Variants in PDZD2 observed in about 807,000 individuals in gnomAD.
The protein encoded by PDZD2 is PDZ domain containing 2, also known as PDZ domain-containing protein 2.
In PDZD2, 90 loss-of-function variants were observed where a neutral mutation model predicts 220.7. The ratio of observed to expected loss-of-function variants is 0.41; its 90% confidence interval spans 0.34 to 0.49. The LOEUF (loss-of-function observed/expected upper bound fraction) is 0.49, where lower values mean the gene tolerates loss of function less well. PDZD2 is among the 20% of genes least tolerant of loss of function. The probability of loss-of-function intolerance (pLI) is 0.28; values close to 1 mark genes in which losing one functional copy is unlikely to be tolerated. For synonymous variants in PDZD2, 1,375 were observed against 1,450.5 expected (o/e 0.95, Z 1.18); for missense variants, 3,174 against 3,608.5 (o/e 0.88, Z 3.08).
chr5:32,097,912 C>T (rs1208992296), intron 22 of PDZD2, among the ~76,000 whole-genome samples: 4 of 152,164 alleles, frequency 2.6e-5, no homozygotes, highest in Non-Finnish European at 4.4e-5. Context: ...ATCCCCCGCA[C>T]TGAATGTATG....
chr5:32,098,398 A>G lies in PDZD2; in HGVS notation c.7982A>G (p.Gln2661Arg). The G allele has an allele frequency of 6.2e-7, 1 of 1,614,118 alleles. No individual in the cohort carries two copies. Among genetic ancestry groups the G allele is most frequent in the Non-Finnish European group, 8.5e-7 (1 of 1,180,022 alleles). ...GTGTTTTCTCAGGGGGCGGCTTCTC[A>G]GGAAGGGACTATGAACCGAGGGGAT... ...HRVFSQGAASQEGTMNRGDFL... is the reference protein window; with the variant it reads ...HRVFSQGAASREGTMNRGDFL... The change falls in exon 23 of 25, where the codon CAG (glutamine) becomes CGG (arginine). Residue 2661 changes from glutamine (Q) to arginine (R), a missense_variant. This residue lies in a region of PDZD2 where 631 missense variants were observed against 789.9 expected (regional missense o/e 0.80). Transcript: ENST00000438447. This position sits in a 1 kb window ranked among gnomAD's most constrained non-coding sequence, Gnocchi z 4.1.
rs183641792 is a variant in PDZD2, at chr5:31,722,611, G to A, written c.-360-76278G>A. ...CCTTTTTAGAAGCTTCTGCAAGAAA[G>A]AAAATACAAAGTTTAACCCCACAAC... On this transcript the variant is annotated intron_variant, in intron 1 of 24. Coordinates refer to ENST00000438447, the MANE Select transcript of PDZD2 (RefSeq NM_178140.4). 3.3e-3 allele frequency among the ~76,000 whole-genome samples: 498 copies of A among 151,864 alleles called. 2 individuals are homozygous for A. The highest frequency in any genetic ancestry group is 4.6e-3 in the Non-Finnish European group (313 of 67,968).
chr5:32,100,801 A>G lies in PDZD2; in HGVS notation c.8219-304A>G, dbSNP rs1581500987. The G allele has an allele frequency of 4.7e-6, 5 of 1,068,616 alleles. No homozygotes were observed. In the Admixed American group the frequency reaches 8.3e-5, roughly 18 times the overall value. 66.2% of individuals were successfully genotyped at this position (1,068,616 alleles called of 1,614,324 possible). A position where few individuals can be genotyped will look rare whatever the true frequency, so the allele number is the denominator to read the frequency against. On this transcript the variant is annotated intron_variant, in intron 23 of 24. Coordinates refer to ENST00000438447, the MANE Select transcript of PDZD2 (RefSeq NM_178140.4). ...CACAGCCGGTGTGGGGGGCTTAACAAGAGCACTTTGCTTTCTGGGGATTTC... is the reference window on the plus strand; with the variant it reads ...CACAGCCGGTGTGGGGGGCTTAACAGGAGCACTTTGCTTTCTGGGGATTTC...
intron 2 of PDZD2, among the ~76,000 whole-genome samples, chr5:31,852,668 C>T (rs1422785090): frequency 6.6e-6 from 1 of 152,200 alleles, no homozygotes; most frequent in Admixed American, 6.5e-5. Flanking sequence ...GGGATCTCGG[C>T]TCACTGCAAC....
chr5:31,832,836 A>G (rs1215087287), intron 2 of PDZD2, among the ~76,000 whole-genome samples: 1 of 152,136 alleles, frequency 6.6e-6, no homozygotes, highest in Non-Finnish European at 1.5e-5. Context: ...AAAATGGTCA[A>G]TTTTATTTTA....
chr5:32,069,418 T>C (rs1335487265), intron 14 of PDZD2, 151 bp from the exon 15 acceptor site: 6 of 616,104 alleles, frequency 9.7e-6, no homozygotes, highest in Non-Finnish European at 1.8e-5. Flanking sequence ...TCTTACATGC[T>C]CTGAGTTACA....
rs573769783 is a variant in PDZD2, at chr5:31,666,027, G to A, written c.-361+26590G>A. ...CTTTGGAGGTGGAGAGGCAGCGTGG[G>A]CTCCCAGATCACATCAGTTCAGGAA... On this transcript the variant is annotated intron_variant, in intron 1 of 24. Transcript: ENST00000438447. Among the ~76,000 whole-genome samples the A allele has an allele frequency of 2.6e-5, 4 of 152,312 alleles. No homozygotes were observed. The East Asian group carries it at 7.7e-4, about 29-fold the overall frequency.
At position 31,664,357 on chromosome 5, in the gene PDZD2, A is replaced by G. The variant is rs1381457475; in HGVS notation, c.-361+24920A>G. 3.0e-4 allele frequency among the ~76,000 whole-genome samples: 45 copies of G among 152,022 alleles called. 1 individual carries two copies. The highest frequency in any genetic ancestry group is 1.5e-5 in the Non-Finnish European group (1 of 68,012). On this transcript the variant is annotated intron_variant, in intron 1 of 24. Transcript: ENST00000438447. ...AACAAAAAATCATTTCTCTCTCACA[A>G]ACAGCCTAGTGCAGGGCTCAAATCC...
At chr5:31,653,234 A>G (rs750863675) in intron 1 of PDZD2, among the ~76,000 whole-genome samples, 1 of 152,140 alleles carries the variant, frequency 6.6e-6, no homozygotes, top group South Asian at 2.1e-4. Flanking sequence ...TTCTTTTATC[A>G]GTTGATATCA....
intron 6 of PDZD2, among the ~76,000 whole-genome samples, chr5:32,026,664 G>C (rs746163590): frequency 7.9e-5 from 12 of 152,170 alleles, no homozygotes; most frequent in Non-Finnish European, 1.0e-4. Context: ...CAACACTGCT[G>C]AGAAATGACC....
chr5:32,012,241 T>G (rs942376382), intron 6 of PDZD2, among the ~76,000 whole-genome samples: 2 of 152,100 alleles, frequency 1.3e-5, no homozygotes, highest in Admixed American at 1.3e-4. Context: ...CAGCTTTCAG[T>G]GGAAAGCTAA....
chr5:32,062,159 T>A (rs1370295593), intron 14 of PDZD2, among the ~76,000 whole-genome samples: 1 of 152,246 alleles, frequency 6.6e-6, no homozygotes, highest in African/African-American at 2.4e-5. Flanking sequence ...AATACCTGTT[T>A]ATCTTATCAA....
chr5:31,912,965 T>TCC (rs1743337530), intron 2 of PDZD2, among the ~76,000 whole-genome samples: 1 of 152,290 alleles, frequency 6.6e-6, no homozygotes, highest in East Asian at 1.9e-4. Flanking sequence ...ATGAAAAACA[T>TCC]TGCATCCTTC....
chr5:31,643,420 C>G (rs1745020179), intron 1 of PDZD2, among the ~76,000 whole-genome samples: 1 of 152,200 alleles, frequency 6.6e-6, no homozygotes, highest in Admixed American at 6.5e-5. Context: ...GATCCAGTTA[C>G]CAGGTGCAAG....
chr5:31,893,288 T>A (rs1177198445), intron 2 of PDZD2, among the ~76,000 whole-genome samples: 1 of 152,100 alleles, frequency 6.6e-6, no homozygotes, highest in Non-Finnish European at 1.5e-5. Flanking sequence ...AACAAAAACC[T>A]GGCTGGGCGC....
chr5:31,676,942 T>C (rs1746452786), intron 1 of PDZD2, among the ~76,000 whole-genome samples: 1 of 152,100 alleles, frequency 6.6e-6, no homozygotes, highest in Admixed American at 6.5e-5. Flanking sequence ...TGAGGACTGC[T>C]TTCCCCAAGG....
intron 1 of PDZD2, among the ~76,000 whole-genome samples, chr5:31,648,292 G>T (rs1745209747): frequency 6.6e-6 from 1 of 152,082 alleles, no homozygotes; most frequent in African/African-American, 2.4e-5. Context: ...CCATTCCAGT[G>T]GGGGCGTTAT....
chr5:31,640,793 C>G (rs1744919588), intron 1 of PDZD2, among the ~76,000 whole-genome samples: 1 of 151,678 alleles, frequency 6.6e-6, no homozygotes, highest in South Asian at 2.1e-4. Context: ...ATTCCTTCTT[C>G]CATTAGGATG....
intron 2 of PDZD2, among the ~76,000 whole-genome samples, chr5:31,899,342 A>G (rs1741875988): frequency 6.6e-6 from 1 of 152,138 alleles, no homozygotes; most frequent in Non-Finnish European, 1.5e-5. Flanking sequence ...CATGTTGACC[A>G]GGCTGGTCTC....
Sources: gnomAD v4.1 joint callset for allele counts (sites outside exome capture counted in the v4.1 genomes callset) on GRCh38, gnomAD v4.1.1 for gene constraint, gnomAD v4.1.1 regional missense constraint, Gnocchi (gnomAD v3.1) non-coding constraint, MANE v1.5 for transcripts, NCBI Gene and HGNC (gene_info 2026-07-23, HGNC 2026-07-21) for gene names.